Variants in LDLRAD1 observed in about 807,000 individuals in gnomAD.
LDLRAD1 encodes the protein low density lipoprotein receptor class A domain containing 1, also known as low-density lipoprotein receptor class A domain-containing protein 1.
LDLRAD1 carries 17 observed loss-of-function variants against 24.8 expected under a neutral mutation model. The observed-to-expected ratio is 0.69, with a 90% confidence interval of 0.47 to 1.03. The LOEUF is 1.03. Among genes scored for constraint, LDLRAD1 ranks in the 50% least tolerant of loss-of-function variants. The probability of loss-of-function intolerance (pLI) is 0.00; values close to 1 mark genes in which losing one functional copy is unlikely to be tolerated. For missense variants in LDLRAD1, 277 were observed against 271.0 expected (o/e 1.02, Z -0.16); for synonymous variants, 103 against 108.2 (o/e 0.95, Z 0.30).
Position 54,009,120 on chromosome 1 carries a change from GCA to G in LDLRAD1, c.478_479del (p.Cys160ProfsTer39), listed in dbSNP as rs1461949251. 6.2e-7 allele frequency: 1 copy of G among 1,613,772 alleles called. No individual in the cohort carries two copies. Among genetic ancestry groups the G allele is most frequent in the Non-Finnish European group, 8.5e-7 (1 of 1,179,910 alleles). On this transcript the variant is annotated frameshift_variant, in exon 6 of 6. Coordinates refer to ENST00000371360, the MANE Select transcript of LDLRAD1 (RefSeq NM_001010978.4). LOFTEE classifies it high-confidence loss of function. ...GCCACCACCCAGGGCCGCAGGGTGG[GCA>G]CACAGTTACTGCAGAGACAAGAGCC... ...CSDELSPVTV[C>X]PPCGPGWWRC...
chr1:54,016,363 GGGAGAGGTGTCCT>G (rs1656304853), intron 2 of LDLRAD1, among the ~76,000 whole-genome samples: 1 of 152,198 alleles, frequency 6.6e-6, no homozygotes, highest in Non-Finnish European at 1.5e-5. Context: ...ACTCTGGGCA[GGGAGAGGTGTCCT>G]GATCAGCCAA....
At chr1:54,013,684 T>C (rs942936704) in intron 3 of LDLRAD1, among the ~76,000 whole-genome samples, 2 of 152,124 alleles carry the variant, frequency 1.3e-5, no homozygotes, top group African/African-American at 4.8e-5. Flanking sequence ...CCATTGTTCC[T>C]ACCCTGACTC....
intron 4 of LDLRAD1, 24 bp downstream of exon 4, chr1:54,012,119 G>A: frequency 6.2e-7 from 1 of 1,612,100 alleles, no homozygotes; most frequent in Non-Finnish European, 8.5e-7. Flanking sequence ...CCCCTGGGAG[G>A]GGCAGCACCG....
In LDLRAD1 at chr1:54,010,303, A is replaced by G. The variant is rs747215687; in HGVS notation, c.448T>C (p.Cys150Arg). The change falls in exon 5 of 6, where the codon TGT (cysteine) becomes CGT (arginine). Residue 150 changes from cysteine to arginine, a missense_variant. Transcript: ENST00000371360. ...KCDGTNNCGDCSDELSPVTVC... is the reference protein window; with the variant it reads ...KCDGTNNCGDRSDELSPVTVC... ...CTACCTGGGCTCAGTTCATCTGAAC[A>G]GTCCCCGCAGTTGTTAGTGCCATCA... 1.2e-6 allele frequency: 2 copies of G among 1,614,072 alleles called. No individual in the cohort carries two copies. Among genetic ancestry groups the G allele is most frequent in the South Asian group, 1.1e-5 (1 of 91,068 alleles).
At chr1:54,013,470 G>A (rs568525010) in intron 3 of LDLRAD1, among the ~76,000 whole-genome samples, 1 of 97,134 alleles carries the variant, frequency 1.0e-5, no homozygotes, top group South Asian at 3.0e-4. Context: ...TCCCCTTTCT[G>A]TGGCTCCTGG....
At chr1:54,015,967 A>C (rs1331309696) in intron 2 of LDLRAD1, among the ~76,000 whole-genome samples, 1 of 151,984 alleles carries the variant, frequency 6.6e-6, no homozygotes, top group Admixed American at 6.5e-5. Flanking sequence ...GGCTTTGTGA[A>C]CACTCTGTGA....
At chr1:54,014,608 C>T (rs1424293244) in intron 2 of LDLRAD1, among the ~76,000 whole-genome samples, 4 of 152,156 alleles carry the variant, frequency 2.6e-5, no homozygotes, top group Non-Finnish European at 5.9e-5. Context: ...ATGGCAGAGG[C>T]GGACAGCCCT....
rs112874469 is a variant in LDLRAD1, at chr1:54,008,931, G to A, written c.*51C>T. On this transcript the variant is annotated 3_prime_UTR_variant, in exon 6 of 6. Transcript: ENST00000371360. ...GCTAGGATTTGATTTTCATGTGAAG[G>A]GTTATCAGTGCCATTCCAGCCAGCC... 1.1e-3 allele frequency: 1,657 copies of A among 1,554,526 alleles called. 15 individuals carry two copies. The African/African-American group carries it at 0.019, about 18-fold the overall frequency.
intron 2 of LDLRAD1, 125 bp from the exon 3 acceptor site, chr1:54,014,489 G>C (rs1656213537): frequency 2.1e-6 from 2 of 936,498 alleles, no homozygotes; most frequent in Non-Finnish European, 3.2e-6. Context: ...GCAGAGCAGG[G>C]ATGGCTTCCC....
rs201937773 is a variant in LDLRAD1 at position 54,012,258 on chromosome 1, C to T, written c.225G>A (p.Leu75=). 92 of 1,614,010 alleles carry T rather than the reference C, an allele frequency of 5.7e-5. No individual in the cohort carries two copies. Among genetic ancestry groups the T allele is most frequent in the Non-Finnish European group, 7.0e-5 (83 of 1,180,002 alleles). The change falls in exon 4 of 6, where the codon CTG becomes CTA. Residue 75 remains leucine (L), a synonymous_variant. Coordinates refer to ENST00000371360, the MANE Select transcript of LDLRAD1 (RefSeq NM_001010978.4). The part of the protein sequence containing the change: ...CTPGAQACIT[L]TNRTGFLCHD... ...GGCACAAGAAGCCTGTCCTGTTTGT[C>T]AGTGTTATACAAGCTTGGGCTCCTG...
intron 3 of LDLRAD1, among the ~76,000 whole-genome samples, chr1:54,012,796 C>G (rs1237971208): frequency 2.0e-5 from 3 of 152,058 alleles, no homozygotes; most frequent in Non-Finnish European, 1.5e-5. Flanking sequence ...ACTTTCATAT[C>G]TTTATTCTAT....
chr1:54,018,152 A>C lies in LDLRAD1; in HGVS notation c.-40T>G. The C allele has an allele frequency of 6.2e-7, 1 of 1,612,730 alleles. No individual in the cohort carries two copies. Among genetic ancestry groups the C allele is most frequent in the South Asian group, 1.1e-5 (1 of 90,786 alleles). ...GCTGCCCGACTGGGGCTGTGTGCAGAGAGCTCAGCACGGGTTCCCTGCATT... is the reference window on the plus strand; with the variant it reads ...GCTGCCCGACTGGGGCTGTGTGCAGCGAGCTCAGCACGGGTTCCCTGCATT... On this transcript the variant is annotated 5_prime_UTR_variant, in exon 1 of 6. Coordinates refer to ENST00000371360, the MANE Select transcript of LDLRAD1 (RefSeq NM_001010978.4).
intron 2 of LDLRAD1, among the ~76,000 whole-genome samples, chr1:54,015,300 C>T (rs1335546866): frequency 6.6e-6 from 1 of 152,104 alleles, no homozygotes; most frequent in African/African-American, 2.4e-5. Context: ...TTACCATGTG[C>T]CGAGCCTTAT....
chr1:54,016,718 CTT>C (rs1404552718), intron 2 of LDLRAD1, among the ~76,000 whole-genome samples: 2 of 152,206 alleles, frequency 1.3e-5, no homozygotes, highest in South Asian at 2.1e-4. Flanking sequence ...CTCAACCTCT[CTT>C]AGTTTCAGCT....
At chr1:54,013,901 C>T (rs562120870) in intron 3 of LDLRAD1, among the ~76,000 whole-genome samples, 1 of 152,076 alleles carries the variant, frequency 6.6e-6, no homozygotes, top group South Asian at 2.1e-4. Context: ...AGCACCACCC[C>T]GGGGTGGCCA....
intron 4 of LDLRAD1, among the ~76,000 whole-genome samples, chr1:54,011,170 G>A (rs772738524): frequency 1.1e-4 from 17 of 152,290 alleles, no homozygotes; most frequent in Admixed American, 1.3e-4. Context: ...GGGATGTGGC[G>A]TAGAGAAGAG....
At chr1:54,012,357 C>A in intron 3 of LDLRAD1, 77 bp from the exon 4 acceptor site, 1 of 1,522,972 alleles carries the variant, frequency 6.6e-7, no homozygotes, top group Non-Finnish European at 9.1e-7. Context: ...TGAACTCCGC[C>A]TAGAGCTGGC....
intron 2 of LDLRAD1, among the ~76,000 whole-genome samples, chr1:54,015,608 G>A (rs1211963489): frequency 6.6e-6 from 1 of 151,970 alleles, no homozygotes; most frequent in African/African-American, 2.4e-5. Flanking sequence ...GTGACCCCAG[G>A]GCCCAGCCCA....
intron 4 of LDLRAD1, among the ~76,000 whole-genome samples, chr1:54,010,838 G>C (rs1656021353): frequency 6.6e-6 from 1 of 152,206 alleles, no homozygotes; most frequent in South Asian, 2.1e-4. Flanking sequence ...GATCTCAGGG[G>C]AAGATCTAGG....
Sources: gnomAD v4.1 joint callset for allele counts (sites outside exome capture counted in the v4.1 genomes callset) on GRCh38, gnomAD v4.1.1 for gene constraint, MANE v1.5 for transcripts, NCBI Gene and HGNC (gene_info 2026-07-23, HGNC 2026-07-21) for gene names.